Variants in TGIF2 observed in about 807,000 individuals in gnomAD.
TGIF2 encodes the protein TGFB induced factor homeobox 2, also known as homeobox protein TGIF2.
A neutral mutation model predicts 15.1 loss-of-function variants in TGIF2; 5 were observed. That is an observed-to-expected ratio of 0.33 (90% CI 0.17 to 0.70). TGIF2 has a LOEUF of 0.70. TGIF2 is among the 30% of genes least tolerant of loss of function. TGIF2 has a pLI of 0.67. For missense variants in TGIF2, 264 were observed against 302.5 expected, an observed-to-expected ratio of 0.87 and a Z score of 0.94; for synonymous variants, 131 against 128.9, an observed-to-expected ratio of 1.02 and a Z score of -0.11.
At position 36,573,692 on chromosome 20, in the gene TGIF2, G is replaced by C. The variant is rs2038347456; in HGVS notation, c.-88G>C. ...CCCCCGGCGCCCCCCGCTCCCCGCC[G>C]GGACGCCCCGCGCCGAGCCGGAGGC... On this transcript the variant is annotated 5_prime_UTR_variant, in exon 1 of 3. Transcript: ENST00000373872. 6.6e-6 allele frequency: 1 copy of C among 151,954 alleles called. No homozygotes were observed. Among genetic ancestry groups the C allele is most frequent in the Non-Finnish European group, 1.5e-5 (1 of 68,060 alleles). The allele number at this position is 151,954 out of a possible 1,614,324, so 9.4% of individuals were successfully genotyped here.
chr20:36,589,702 T>C (rs2038730541), intron 2 of TGIF2, among the ~76,000 whole-genome samples: 1 of 152,062 alleles, frequency 6.6e-6, no homozygotes, highest in Admixed American at 6.5e-5. Flanking sequence ...ACTTTTTTTT[T>C]CTTTGAGACA....
intron 2 of TGIF2, among the ~76,000 whole-genome samples, chr20:36,582,406 C>T (rs1426822683): frequency 6.6e-6 from 1 of 152,112 alleles, no homozygotes; most frequent in African/African-American, 2.4e-5. Flanking sequence ...TAAAATCAAA[C>T]TGTTTCCAAA....
At chr20:36,578,560 A>C (rs2031513553) in intron 1 of TGIF2, among the ~76,000 whole-genome samples, 181 bp from the exon 2 acceptor site, 1 of 152,166 alleles carries the variant, frequency 6.6e-6, no homozygotes, top group Non-Finnish European at 1.5e-5. Context: ...TGTTCCATGA[A>C]GTGGAGGAAC....
At chr20:36,583,304 C>G (rs999727062) in intron 2 of TGIF2, among the ~76,000 whole-genome samples, 1 of 151,500 alleles carries the variant, frequency 6.6e-6, no homozygotes, top group African/African-American at 2.4e-5. Flanking sequence ...CAAAAAAAAC[C>G]TTCAGTGGTC....
At chr20:36,584,551 A>G (rs144852218) in intron 2 of TGIF2, among the ~76,000 whole-genome samples, 1,987 of 150,892 alleles carry the variant, frequency 0.013, 19 homozygotes, top group Middle Eastern at 0.058. Context: ...TTTATTAATT[A>G]ATTTTTTTTT....
At chr20:36,577,254 CA>C (rs2147921246) in intron 1 of TGIF2, among the ~76,000 whole-genome samples, 1 of 152,164 alleles carries the variant, frequency 6.6e-6, no homozygotes, top group East Asian at 1.9e-4. Context: ...GGCTGGAGTG[CA>C]ATGCCATGAT....
intron 2 of TGIF2, among the ~76,000 whole-genome samples, chr20:36,584,654 C>T (rs2147931814): frequency 6.6e-6 from 1 of 151,780 alleles, no homozygotes; most frequent in African/African-American, 2.4e-5. Flanking sequence ...TCAAGCAATT[C>T]TCCTGCCCCA....
intron 2 of TGIF2, 65 bp from the exon 3 acceptor site, chr20:36,590,845 C>A (rs757598838): frequency 1.4e-5 from 20 of 1,475,708 alleles, no homozygotes; most frequent in Non-Finnish European, 1.8e-5. Flanking sequence ...AGGTGTGAGC[C>A]ACTGTGCCCA....
intron 2 of TGIF2, among the ~76,000 whole-genome samples, chr20:36,579,918 C>T (rs1029470758): frequency 1.3e-5 from 2 of 152,162 alleles, no homozygotes; most frequent in African/African-American, 2.4e-5. Context: ...CCCTTTGAAT[C>T]GCGCCTATTG....
intron 1 of TGIF2, among the ~76,000 whole-genome samples, chr20:36,575,208 C>G (rs1298622886): frequency 2.0e-5 from 3 of 151,872 alleles, no homozygotes; most frequent in Admixed American, 1.3e-4. Context: ...AAGGCTTGAG[C>G]GATGGGTCCG....
chr20:36,582,981 T>C (rs944126753), intron 2 of TGIF2, among the ~76,000 whole-genome samples: 5 of 152,136 alleles, frequency 3.3e-5, no homozygotes, highest in African/African-American at 1.2e-4. Context: ...ACTCCCCAAC[T>C]TAAAACCCTT....
intron 1 of TGIF2, among the ~76,000 whole-genome samples, chr20:36,574,175 G>A (rs983095045): frequency 3.3e-5 from 5 of 152,164 alleles, no homozygotes; most frequent in Admixed American, 2.0e-4. Context: ...CTGGGGGTGG[G>A]GGCCGCGGGA....
intron 2 of TGIF2, among the ~76,000 whole-genome samples, chr20:36,589,528 G>C (rs906718621): frequency 1.3e-5 from 2 of 152,078 alleles, no homozygotes; most frequent in Non-Finnish European, 2.9e-5. Context: ...AAGTAGCTGG[G>C]ACTACAGGCG....
intron 2 of TGIF2, among the ~76,000 whole-genome samples, chr20:36,586,934 C>T (rs952527563): frequency 6.6e-6 from 1 of 152,190 alleles, no homozygotes; most frequent in African/African-American, 2.4e-5. Context: ...CCCCCATTTG[C>T]CACAGTGATT....
chr20:36,588,742 GC>G (rs1228594367), intron 2 of TGIF2, among the ~76,000 whole-genome samples: 1 of 152,138 alleles, frequency 6.6e-6, no homozygotes, highest in Non-Finnish European at 1.5e-5. Context: ...GAGCCTTCCA[GC>G]CCGACAGCCT....
chr20:36,584,918 T>C (rs1200080160), intron 2 of TGIF2, among the ~76,000 whole-genome samples: 1 of 152,052 alleles, frequency 6.6e-6, no homozygotes, highest in Non-Finnish European at 1.5e-5. Context: ...GAACGCAGGC[T>C]GGGCACAGTG....
At position 36,591,413 on chromosome 20, in the gene TGIF2, C is replaced by T; in HGVS notation, c.696C>T (p.Val232=). Residue 232 remains valine (V), a synonymous_variant, in exon 3 of 3, where the codon GTC becomes GTT. Transcript: ENST00000373872. The surrounding 1 kb of genome is among the most constrained non-coding windows in gnomAD (Gnocchi z 5.3). ...TACTGCACACTCCCATCCCTTTAGT[C>T]TCTGAAAATCCCCAGTAGGCATCTG... ...LPLLHTPIPL[V]SENPQ 1 of 1,607,560 alleles carries T rather than the reference C, an allele frequency of 6.2e-7. No homozygotes were observed. Among genetic ancestry groups the T allele is most frequent in the South Asian group, 1.1e-5 (1 of 90,864 alleles).
chr20:36,592,603 G>A lies in TGIF2; in HGVS notation c.*1172G>A, dbSNP rs767778892. Reference sequence around the variant, plus strand: ...CCACAATGGTGGCAGGAAACTTTGGGGAAAGCAGGAATGGTGTCCACTGCT... The same window carrying A: ...CCACAATGGTGGCAGGAAACTTTGGAGAAAGCAGGAATGGTGTCCACTGCT... On this transcript the variant is annotated 3_prime_UTR_variant, in exon 3 of 3. Transcript: ENST00000373872. 3.3e-5 allele frequency: 5 copies of A among 152,536 alleles called. No individual in the cohort carries two copies. The highest frequency in any genetic ancestry group is 7.3e-5 in the Non-Finnish European group (5 of 68,046). 9.4% of individuals were successfully genotyped at this position (152,536 alleles called of 1,614,324 possible).
At chr20:36,576,905 G>A (rs533014660) in intron 1 of TGIF2, among the ~76,000 whole-genome samples, 11 of 152,254 alleles carry the variant, frequency 7.2e-5, no homozygotes, top group East Asian at 1.9e-4. Context: ...GGGTTTCACC[G>A]TGTTGCCCAG....
Sources: allele counts gnomAD v4.1 joint callset (sites outside exome capture counted in the v4.1 genomes callset), GRCh38; gene constraint gnomAD v4.1.1; non-coding constraint Gnocchi (gnomAD v3.1); transcripts MANE v1.5; gene names NCBI Gene and HGNC (gene_info 2026-07-23, HGNC 2026-07-21).